NECAB1: variants seen among roughly 807,000 people sequenced by gnomAD.
The protein encoded by NECAB1 is N-terminal EF-hand calcium-binding protein 1.
A neutral mutation model predicts 57.5 loss-of-function variants in NECAB1; 29 were observed. That is an observed-to-expected ratio of 0.50 (90% CI 0.38 to 0.69). The LOEUF (loss-of-function observed/expected upper bound fraction) is 0.69. NECAB1 is among the 30% of genes least tolerant of loss of function. The probability of loss-of-function intolerance (pLI) is 0.00; values close to 1 mark genes in which losing one functional copy is unlikely to be tolerated. For synonymous variants in NECAB1, 142 were observed against 147.7 expected, an observed-to-expected ratio of 0.96 and a Z score of 0.28; for missense variants, 372 against 413.8, an observed-to-expected ratio of 0.90 and a Z score of 0.88.
intron 5 of NECAB1, among the ~76,000 whole-genome samples, chr8:90,892,490 A>G (rs1482886077): frequency 6.6e-6 from 1 of 152,240 alleles, no homozygotes; most frequent in Non-Finnish European, 1.5e-5. Flanking sequence ...ATTTTAAATG[A>G]AAAAGAAATG....
intron 10 of NECAB1, among the ~76,000 whole-genome samples, chr8:90,943,295 C>T (rs1810720361): frequency 6.6e-6 from 1 of 152,174 alleles, no homozygotes; most frequent in African/African-American, 2.4e-5. Flanking sequence ...AGATTTTCAG[C>T]CTCTCTGTTT....
At chr8:90,928,814 C>T (rs949049967) in intron 8 of NECAB1, among the ~76,000 whole-genome samples, 4 of 152,128 alleles carry the variant, frequency 2.6e-5, no homozygotes, top group African/African-American at 9.7e-5. Context: ...TCTAAGCAAG[C>T]AAGTTAGAAT....
At chr8:90,927,610 TACACACACACACACACAC>T (rs71560287) in intron 7 of NECAB1, among the ~76,000 whole-genome samples, 1 of 143,878 alleles carries the variant, frequency 7.0e-6, no homozygotes, top group African/African-American at 2.6e-5. Context: ...TGGTGCTAGA[TACACACACACACACACAC>T]ACACACACAC....
At chr8:90,885,663 A>G (rs978559) in intron 5 of NECAB1, among the ~76,000 whole-genome samples, 78,995 of 152,030 alleles carry the variant, frequency 0.52, 24,163 homozygotes, top group African/African-American at 0.83. Context: ...TATCCTAAAG[A>G]TAATGAGATT....
intron 2 of NECAB1, among the ~76,000 whole-genome samples, chr8:90,821,412 A>G (rs1338021071): frequency 6.6e-6 from 1 of 151,762 alleles, no homozygotes; most frequent in East Asian, 1.9e-4. Context: ...ATGGTTTCTC[A>G]TATTTCCTCT....
intron 5 of NECAB1, among the ~76,000 whole-genome samples, chr8:90,905,095 A>G (rs950656949): frequency 2.6e-5 from 4 of 152,310 alleles, no homozygotes; most frequent in Admixed American, 2.6e-4. Flanking sequence ...ATATCAAAAG[A>G]CAGCACTTAC....
At chr8:90,796,156 T>A (rs1288907994) in intron 1 of NECAB1, among the ~76,000 whole-genome samples, 2 of 152,192 alleles carry the variant, frequency 1.3e-5, no homozygotes, top group East Asian at 3.9e-4. Flanking sequence ...TTATCCAGTT[T>A]CAGGGCAACC....
intron 10 of NECAB1, among the ~76,000 whole-genome samples, chr8:90,943,979 C>T (rs1040386313): frequency 6.6e-6 from 1 of 152,140 alleles, no homozygotes; most frequent in Admixed American, 6.5e-5. Context: ...CTTGAACCCC[C>T]AGGCTCAAGC....
rs1586111008 is a variant in NECAB1 at position 90,906,889 on chromosome 8, A to ATATATATATATATGTATGTATG, written c.358-10590_358-10589insGTATGTATGTATATATATATAT. Among the ~76,000 whole-genome samples, 34 of 72,860 alleles carry ATATATATATATATGTATGTATG rather than the reference A, an allele frequency of 4.7e-4. No homozygotes were observed. The East Asian group carries it at 0.011, about 24-fold the overall frequency. 47.8% of individuals were successfully genotyped at this position (72,860 alleles called of 152,430 possible). A position where few individuals can be genotyped will look rare whatever the true frequency, so the allele number is the denominator to read the frequency against. ...ATATGATATACACATATATATATATATATATATATATATATATATATCTTC... is the reference window on the plus strand; with the variant it reads ...ATATGATATACACATATATATATATATATATATATATATGTATGTATGTATATATATATATATATATATCTTC... On this transcript the variant is annotated intron_variant, in intron 5 of 12. Transcript: ENST00000417640.
At chr8:90,848,382 C>T (rs994928470) in intron 3 of NECAB1, among the ~76,000 whole-genome samples, 3 of 152,166 alleles carry the variant, frequency 2.0e-5, no homozygotes, top group Admixed American at 2.0e-4. Context: ...TCCTGTCTTC[C>T]TCTGAGCCAT....
At chr8:90,940,948 A>G (rs1462870430) in intron 10 of NECAB1, 50 bp downstream of exon 10, 1 of 1,339,388 alleles carries the variant, frequency 7.5e-7, no homozygotes, top group Non-Finnish European at 1.0e-6. Context: ...CTGGGAATAC[A>G]GTGAAGGCAT....
At position 90,896,887 on chromosome 8, in the gene NECAB1, T is replaced by G. The variant is rs139974778; in HGVS notation, c.357+15757T>G. ...CCCGCCAAAGCACTCACCACTTCAT[T>G]CTCTTTAAATTAGCCAATTAGAATT... On this transcript the variant is annotated intron_variant, in intron 5 of 12. Transcript: ENST00000417640. Among the ~76,000 whole-genome samples, 348 of 152,006 alleles carry G rather than the reference T, an allele frequency of 2.3e-3. 2 individuals carry two copies. The highest frequency in any genetic ancestry group is 8.0e-3 in the African/African-American group (333 of 41,442).
intron 7 of NECAB1, among the ~76,000 whole-genome samples, chr8:90,927,651 TAC>T (rs926027154): frequency 3.4e-5 from 5 of 148,656 alleles, no homozygotes; most frequent in Non-Finnish European, 5.9e-5. Context: ...ACTACATACC[TAC>T]AAATACATAT....
At chr8:90,846,964 C>T (rs1368607898) in intron 3 of NECAB1, among the ~76,000 whole-genome samples, 1 of 152,248 alleles carries the variant, frequency 6.6e-6, no homozygotes, top group Non-Finnish European at 1.5e-5. Flanking sequence ...TGTGCCCTGG[C>T]CCCTCTCAAA....
intron 3 of NECAB1, 45 bp downstream of exon 3, chr8:90,824,870 G>C (rs1812197791): frequency 2.1e-6 from 2 of 962,164 alleles, no homozygotes; most frequent in Non-Finnish European, 3.1e-6. Flanking sequence ...GAGGCACAGA[G>C]AGCGTGAATG....
At chr8:90,880,874 G>T (rs1586080336) in intron 4 of NECAB1, among the ~76,000 whole-genome samples, 159 bp from the exon 5 acceptor site, 1 of 152,096 alleles carries the variant, frequency 6.6e-6, no homozygotes, top group East Asian at 1.9e-4. Flanking sequence ...GAAATGAGCA[G>T]ATTGTCACCT....
At chr8:90,951,681 G>A (rs1228511630) in intron 12 of NECAB1, among the ~76,000 whole-genome samples, 1 of 151,820 alleles carries the variant, frequency 6.6e-6, no homozygotes, top group Admixed American at 6.6e-5. Context: ...AGCTACAAAG[G>A]GTACAAACTA....
intron 5 of NECAB1, among the ~76,000 whole-genome samples, chr8:90,889,855 G>A (rs559526236): frequency 1.3e-5 from 2 of 152,322 alleles, no homozygotes; most frequent in Non-Finnish European, 2.9e-5. Context: ...CTAGAAGTAA[G>A]TCAATAAGTC....
chr8:90,855,855 G>A (rs1359442487), intron 3 of NECAB1, among the ~76,000 whole-genome samples: 2 of 152,148 alleles, frequency 1.3e-5, no homozygotes, highest in Non-Finnish European at 2.9e-5. Flanking sequence ...GCAGGACTTG[G>A]TCCCTCAGTT....
Sources: gnomAD v4.1 joint callset for allele counts (sites outside exome capture counted in the v4.1 genomes callset) on GRCh38, gnomAD v4.1.1 for gene constraint, MANE v1.5 for transcripts, NCBI Gene and HGNC (gene_info 2026-07-23, HGNC 2026-07-21) for gene names.